NREP: variants seen among roughly 807,000 people sequenced by gnomAD.
NREP encodes neuronal regeneration-related protein.
NREP carries 5 observed loss-of-function variants against 8.6 expected under a neutral mutation model. The observed-to-expected ratio is 0.58, with a 90% CI of 0.30 to 1.22. The LOEUF is 1.22. Ranked by LOEUF, NREP falls within the 50% of genes most tolerant of loss-of-function variation. The probability of loss-of-function intolerance (pLI) is 0.07; values close to 1 mark genes in which losing one functional copy is unlikely to be tolerated. For synonymous variants in NREP, 27 were observed against 28.0 expected (o/e 0.96, Z 0.11); for missense variants, 86 against 82.5 (o/e 1.04, Z -0.17).
chr5:111,877,481 A>G (rs1425110069), intron 2 of NREP, among the ~76,000 whole-genome samples: 2 of 152,234 alleles, frequency 1.3e-5, no homozygotes, highest in Non-Finnish European at 2.9e-5. Context: ...CTTGCTGTTT[A>G]GAAACAAACT....
chr5:111,887,614 G>A (rs560811775), intron 2 of NREP, among the ~76,000 whole-genome samples: 1 of 152,280 alleles, frequency 6.6e-6, no homozygotes, highest in Non-Finnish European at 1.5e-5. Context: ...ATGGAAAAGA[G>A]GAAGTTAAGT....
At chr5:111,923,820 G>C (rs1398477902) in intron 2 of NREP, among the ~76,000 whole-genome samples, 1 of 152,176 alleles carries the variant, frequency 6.6e-6, no homozygotes, top group East Asian at 1.9e-4. Flanking sequence ...AAGACTAAGG[G>C]TTGGTGCCCC....
chr5:111,878,583 A>G (rs1753968396), intron 2 of NREP, among the ~76,000 whole-genome samples: 1 of 152,214 alleles, frequency 6.6e-6, no homozygotes, highest in South Asian at 2.1e-4. Context: ...AAGCCCAACC[A>G]TATCACTAGA....
At chr5:111,936,725 A>G (rs971764093) in intron 2 of NREP, among the ~76,000 whole-genome samples, 3 of 152,122 alleles carry the variant, frequency 2.0e-5, no homozygotes, top group Admixed American at 2.0e-4. Flanking sequence ...CCCTACAGAG[A>G]GAACAGAAAC....
intron 2 of NREP, among the ~76,000 whole-genome samples, chr5:111,772,695 C>G (rs1751259597): frequency 6.6e-6 from 1 of 151,796 alleles, no homozygotes; most frequent in Non-Finnish European, 1.5e-5. Flanking sequence ...GCAATCACAG[C>G]CTTCGACCCG....
At position 111,746,065 on chromosome 5, in the gene NREP, C is replaced by G. The variant is rs889955922; in HGVS notation, c.3+9705G>C. On this transcript the variant is annotated intron_variant, in intron 2 of 3. Coordinates refer to ENST00000257435, the MANE Select transcript of NREP (RefSeq NM_004772.4). ...AGATGTAGTGACCCTCTGACTTCAT[C>G]TAAACAACATAATAGCTCATCAATT... Among the ~76,000 whole-genome samples the G allele has an allele frequency of 4.6e-5, 7 of 152,036 alleles. No homozygotes were observed. In the East Asian group the frequency reaches 1.3e-3, roughly 29 times the overall value.
chr5:111,884,794 T>A (rs974555870), intron 2 of NREP, among the ~76,000 whole-genome samples: 1 of 152,174 alleles, frequency 6.6e-6, no homozygotes, highest in Non-Finnish European at 1.5e-5. Context: ...CTAAAAACTC[T>A]CAATAAATTA....
intron 2 of NREP, among the ~76,000 whole-genome samples, chr5:111,853,140 T>C (rs1753349110): frequency 6.6e-6 from 1 of 152,056 alleles, no homozygotes; most frequent in African/African-American, 2.4e-5. Context: ...AAACCTGATT[T>C]TAAAAATAAA....
chr5:111,781,005 T>A (rs1278197649), intron 2 of NREP, among the ~76,000 whole-genome samples: 1 of 152,140 alleles, frequency 6.6e-6, no homozygotes, highest in Non-Finnish European at 1.5e-5. Flanking sequence ...ACAAACAACA[T>A]CTTTTCTTAA....
chr5:111,817,440 CCTTT>C (rs1057463993), intron 2 of NREP, among the ~76,000 whole-genome samples: 1 of 152,030 alleles, frequency 6.6e-6, no homozygotes, highest in African/African-American at 2.4e-5. Flanking sequence ...TAAAGAACAT[CCTTT>C]CTATTATGAT....
At position 111,871,383 on chromosome 5, in the gene NREP, C is replaced by T. The variant is rs148706273; in HGVS notation, c.135+103891G>A. Among the ~76,000 whole-genome samples the T allele has an allele frequency of 4.7e-3, 715 of 152,124 alleles. 4 individuals are homozygous for T. Among genetic ancestry groups the T allele is most frequent in the African/African-American group, 0.017 (689 of 41,514 alleles). On this transcript the variant is annotated intron_variant, in intron 2 of 3. Coordinates refer to the NREP transcript ENST00000395634. ...ATACTTGTACGGCACTTACCATGAA[C>T]GGAGCTTGCAGGACTAGAAGTTGCT...
chr5:111,946,654 T>A (rs981177913), intron 2 of NREP, among the ~76,000 whole-genome samples: 3 of 151,944 alleles, frequency 2.0e-5, no homozygotes, highest in Admixed American at 6.6e-5. Flanking sequence ...GGGCCTCTTT[T>A]TAAGAGGCTG....
At chr5:111,880,873 G>A (rs186273161) in intron 2 of NREP, among the ~76,000 whole-genome samples, 30 of 151,628 alleles carry the variant, frequency 2.0e-4, no homozygotes, top group Admixed American at 6.6e-4. Context: ...GAACAGCTCC[G>A]TTCTACAGCT....
intron 2 of NREP, among the ~76,000 whole-genome samples, chr5:111,886,680 G>A (rs561868368): frequency 2.0e-5 from 3 of 151,160 alleles, no homozygotes; most frequent in South Asian, 4.2e-4. Flanking sequence ...TAGGGACATG[G>A]ATGAAATTGG....
At chr5:111,801,835 G>A (rs575989251) in intron 2 of NREP, among the ~76,000 whole-genome samples, 2 of 152,270 alleles carry the variant, frequency 1.3e-5, no homozygotes, top group South Asian at 4.1e-4. Context: ...ACCATGACAA[G>A]TTGAGAAAGA....
chr5:111,905,015 CA>C (rs1293855109), intron 2 of NREP, among the ~76,000 whole-genome samples: 6 of 152,026 alleles, frequency 3.9e-5, no homozygotes, highest in Non-Finnish European at 8.8e-5. Context: ...TCTCTCTCTC[CA>C]TTCTGAAATA....
chr5:111,915,146 C>T (rs1046685245), intron 2 of NREP, among the ~76,000 whole-genome samples: 6 of 152,094 alleles, frequency 3.9e-5, no homozygotes, highest in Admixed American at 2.6e-4. Flanking sequence ...GGCTACTGAG[C>T]TATGCACACA....
At chr5:111,843,518 A>T (rs556794073) in intron 2 of NREP, among the ~76,000 whole-genome samples, 5 of 151,960 alleles carry the variant, frequency 3.3e-5, no homozygotes, top group African/African-American at 1.2e-4. Flanking sequence ...ATTATTTTTA[A>T]TTCTTTTTCA....
intron 2 of NREP, among the ~76,000 whole-genome samples, chr5:111,883,670 C>G (rs1173538413): frequency 2.6e-5 from 4 of 152,190 alleles, no homozygotes; most frequent in African/African-American, 4.8e-5. Flanking sequence ...TTAAGACACT[C>G]ACTCAAAACC....
Sources: gnomAD v4.1 joint callset for allele counts (sites outside exome capture counted in the v4.1 genomes callset) on GRCh38, gnomAD v4.1.1 for gene constraint, MANE v1.5 for transcripts, NCBI Gene and HGNC (gene_info 2026-07-23, HGNC 2026-07-21) for gene names.